The following WDFY4 variants were observed in gnomAD, a reference collection of about 807,000 sequenced individuals.
The protein encoded by WDFY4 is WDFY family member 4.
In WDFY4, 169 loss-of-function variants were observed where a neutral mutation model predicts 351.9. The observed-to-expected ratio is 0.48, with a 90% CI of 0.42 to 0.55. WDFY4 has a LOEUF of 0.55. Among genes scored for constraint, WDFY4 ranks in the 20% least tolerant of loss-of-function variants. The pLI, the probability that WDFY4 is intolerant of heterozygous loss-of-function variation, is 0.00. For missense variants in WDFY4, 3,803 were observed against 3,935.6 expected (o/e 0.97, Z 0.90); for synonymous variants, 1,622 against 1,574.6 (o/e 1.03, Z -0.71).
At chr10:48,786,937 G>A in intron 20 of WDFY4, 67 bp downstream of exon 20, 4 of 1,410,428 alleles carry the variant, frequency 2.8e-6, no homozygotes, top group Non-Finnish European at 2.9e-6. Context: ...CCAGTTATTT[G>A]TAGCAGATTT....
intron 47 of WDFY4, among the ~76,000 whole-genome samples, chr10:48,931,149 C>T (rs1839979410): frequency 6.6e-6 from 1 of 151,694 alleles, no homozygotes; most frequent in South Asian, 2.1e-4. Context: ...TTCTTTTCCT[C>T]TTAGAGGACA....
At chr10:48,931,497 G>T (rs1369981961) in intron 47 of WDFY4, among the ~76,000 whole-genome samples, 1 of 152,214 alleles carries the variant, frequency 6.6e-6, no homozygotes, top group Non-Finnish European at 1.5e-5. Flanking sequence ...GTTGTGAGAG[G>T]GTGGCCCGTA....
At position 48,721,317 on chromosome 10, in the gene WDFY4, G is replaced by A; in HGVS notation, c.406G>A (p.Asp136Asn). Residue 136 changes from aspartate to asparagine, a missense_variant, in exon 4 of 62, where the codon GAT (aspartate) becomes AAT (asparagine). Coordinates refer to ENST00000325239, the MANE Select transcript of WDFY4 (RefSeq NM_001394531.1). ...LLWWKGDVDQ[D>N]GYLLLKSVYV... ...GTGGTGGAAGGGGGACGTGGATCAG[G>A]ATGGCTACTTGCTCCTGAAGTCAGT... The A allele has an allele frequency of 6.4e-7, 1 of 1,551,676 alleles. No homozygotes were observed. The highest frequency in any genetic ancestry group is 8.7e-7 in the Non-Finnish European group (1 of 1,146,978).
chr10:48,872,970 T>C (rs890507257), intron 40 of WDFY4, among the ~76,000 whole-genome samples: 1 of 152,210 alleles, frequency 6.6e-6, no homozygotes, highest in Non-Finnish European at 1.5e-5. Flanking sequence ...GATCCAGAGA[T>C]GGGAGTCACT....
chr10:48,915,191 CA>C (rs1272368334), intron 47 of WDFY4, among the ~76,000 whole-genome samples: 2 of 152,194 alleles, frequency 1.3e-5, no homozygotes, highest in African/African-American at 2.4e-5. Context: ...GCACTTATAA[CA>C]GTGCCTGGTA....
At chr10:48,783,379 T>C (rs148077006) in intron 19 of WDFY4, among the ~76,000 whole-genome samples, 1 of 152,196 alleles carries the variant, frequency 6.6e-6, no homozygotes, top group East Asian at 1.9e-4. Context: ...TTATTGTTCT[T>C]TTTCCTGAAT....
intron 44 of WDFY4, among the ~76,000 whole-genome samples, chr10:48,896,761 A>G (rs1837097584): frequency 6.6e-6 from 1 of 150,764 alleles, no homozygotes; most frequent in African/African-American, 2.4e-5. Flanking sequence ...AGTGCTCTGT[A>G]CTCCCCAATC....
chr10:48,764,274 T>A (rs538718440), intron 13 of WDFY4, among the ~76,000 whole-genome samples: 2 of 152,344 alleles, frequency 1.3e-5, no homozygotes, highest in East Asian at 3.9e-4. Flanking sequence ...CCAGAGGTTC[T>A]TTTCCCCTCC....
chr10:48,780,577 C>A (rs1408585086), intron 19 of WDFY4, among the ~76,000 whole-genome samples: 1 of 152,108 alleles, frequency 6.6e-6, no homozygotes, highest in Non-Finnish European at 1.5e-5. Flanking sequence ...CAACACGTGT[C>A]GTCAGATTTA....
chr10:48,975,808 A>G (rs1450606482), intron 58 of WDFY4, among the ~76,000 whole-genome samples: 2 of 152,068 alleles, frequency 1.3e-5, no homozygotes, highest in African/African-American at 2.4e-5. Flanking sequence ...GTAGATAGAT[A>G]AATGAATGGA....
In WDFY4 at chr10:48,770,793, C is replaced by T. The variant is rs114134693; in HGVS notation, c.2554-3665C>T. 5.7e-3 allele frequency among the ~76,000 whole-genome samples: 872 copies of T among 152,318 alleles called. 8 individuals are homozygous for T. The highest frequency in any genetic ancestry group is 0.02 in the African/African-American group (812 of 41,554). ...TTGTTGGGCTACACATGTCCATCTG[C>T]CAGTTCAGGCTGGCTGTGCAGATGC... On this transcript the variant is annotated intron_variant, in intron 13 of 61. Transcript: ENST00000325239.
At position 48,791,211 on chromosome 10, in the gene WDFY4, A is replaced by T. The variant is rs1589619357; in HGVS notation, c.4257+294A>T. ...GTTGTCTCCCCACCTTGTCTCTAGC[A>T]TGGTGGCTGAGAGCCCAGGCTGCAG... On this transcript the variant is annotated intron_variant, in intron 23 of 61. Transcript: ENST00000325239. 2.0e-5 allele frequency among the ~76,000 whole-genome samples: 3 copies of T among 152,368 alleles called. 1 individual carries two copies. Among genetic ancestry groups the T allele is most frequent in the Admixed American group, 2.0e-4 (3 of 15,312 alleles).
intron 6 of WDFY4, 39 bp downstream of exon 6, chr10:48,726,109 C>A: frequency 1.3e-6 from 2 of 1,519,184 alleles, no homozygotes; most frequent in Non-Finnish European, 1.8e-6. Context: ...GTGGGCCATG[C>A]AAGGGCTTCC....
intron 13 of WDFY4, among the ~76,000 whole-genome samples, chr10:48,771,113 C>T (rs969459368): frequency 3.9e-5 from 6 of 152,168 alleles, no homozygotes; most frequent in Non-Finnish European, 5.9e-5. Flanking sequence ...GGAAGGCAGG[C>T]GGGAGGCTGT....
rs2063070549 is a variant in WDFY4, at chr10:48,687,107, C to G, written c.-18+2106C>G. ...TAGCATGTTTTTAATTTGCATTGAC[C>G]AAATTACTAAGGTTGGACATCTTTT... On this transcript the variant is annotated intron_variant, in intron 1 of 61. Transcript: ENST00000325239. Among the ~76,000 whole-genome samples the G allele has an allele frequency of 2.0e-5, 3 of 152,176 alleles. No homozygotes were observed. In the South Asian group the frequency reaches 6.2e-4, roughly 32 times the overall value.
In WDFY4 at chr10:48,729,430, A is replaced by C; in HGVS notation, c.972-2A>C. ...GGGAGCTGGCCTCATCTGTTCCCCC[A>C]GGTATGATGGGCTGACCCAGAGCGA... is the stretch of plus-strand genomic sequence containing the variant. On this transcript the variant is annotated splice_acceptor_variant, in intron 7 of 61. Transcript: ENST00000325239. LOFTEE classifies it high-confidence loss of function. 2.6e-6 allele frequency: 4 copies of C among 1,550,608 alleles called. No homozygotes were observed. The highest frequency in any genetic ancestry group is 3.5e-6 in the Non-Finnish European group (4 of 1,146,960).
intron 51 of WDFY4, among the ~76,000 whole-genome samples, chr10:48,956,741 G>A (rs1449081288): frequency 3.6e-4 from 55 of 152,144 alleles, no homozygotes; most frequent in Non-Finnish European, 7.4e-5. Context: ...AGCCTCTCAG[G>A]AGCCGAGTCC....
intron 32 of WDFY4, among the ~76,000 whole-genome samples, chr10:48,818,810 TA>T (rs970463220): frequency 6.6e-6 from 1 of 152,108 alleles, no homozygotes; most frequent in Non-Finnish European, 1.5e-5. Context: ...AAAAGTAAGA[TA>T]AAAAAGCAAA....
At chr10:48,832,928 G>C (rs2068242643) in intron 39 of WDFY4, among the ~76,000 whole-genome samples, 1 of 152,178 alleles carries the variant, frequency 6.6e-6, no homozygotes, top group South Asian at 2.1e-4. Flanking sequence ...TGTATTCAGA[G>C]GGCACTAGCC....
Sources: gnomAD v4.1 joint callset for allele counts (sites outside exome capture counted in the v4.1 genomes callset) on GRCh38, gnomAD v4.1.1 for gene constraint, MANE v1.5 for transcripts, NCBI Gene and HGNC (gene_info 2026-07-23, HGNC 2026-07-21) for gene names.